Variants in MCUB observed in about 807,000 individuals in gnomAD.
The protein encoded by MCUB is calcium uniporter regulatory subunit MCUb, mitochondrial.
Under a neutral mutation model 41.4 loss-of-function variants are expected in MCUB, and 46 were observed. That is an observed-to-expected ratio of 1.11 (90% CI 0.88 to 1.42). MCUB has a LOEUF of 1.42. MCUB is among the 40% of genes most tolerant of loss of function. The pLI, the probability that MCUB is intolerant of heterozygous loss-of-function variation, is 0.00. For missense variants in MCUB, 403 were observed against 404.9 expected, an observed-to-expected ratio of 1.00 and a Z score of 0.04; for synonymous variants, 148 against 148.2, an observed-to-expected ratio of 1.00 and a Z score of 0.01.
intron 1 of MCUB, among the ~76,000 whole-genome samples, chr4:109,603,554 C>T (rs570454824): frequency 1.2e-4 from 19 of 152,264 alleles, no homozygotes; most frequent in African/African-American, 4.6e-4. Context: ...TGCCTGGCTG[C>T]CCATCGTCTG....
chr4:109,570,716 T>A (rs1726894036), intron 1 of MCUB, among the ~76,000 whole-genome samples: 1 of 152,232 alleles, frequency 6.6e-6, no homozygotes, highest in Non-Finnish European at 1.5e-5. Flanking sequence ...AGAGGACTAA[T>A]TTAGATGTAG....
At chr4:109,595,328 C>G (rs1284650685) in intron 1 of MCUB, among the ~76,000 whole-genome samples, 1 of 152,042 alleles carries the variant, frequency 6.6e-6, no homozygotes, top group Non-Finnish European at 1.5e-5. Context: ...GGAATCTGCA[C>G]TAGGTAAAGA....
intron 1 of MCUB, among the ~76,000 whole-genome samples, chr4:109,635,172 T>C (rs113923401): frequency 0.027 from 4,055 of 152,292 alleles, 196 homozygotes; most frequent in African/African-American, 0.093. Flanking sequence ...ATGGTATATA[T>C]GAGTCACATT....
intron 1 of MCUB, chr4:109,560,868 T>A (rs1282052528): frequency 1.3e-5 from 2 of 156,082 alleles, no homozygotes; most frequent in Non-Finnish European, 2.8e-5. Flanking sequence ...CCGGAAACGA[T>A]GAACGGGGCA....
chr4:109,570,089 C>G (rs957739101), intron 1 of MCUB, among the ~76,000 whole-genome samples: 1 of 152,178 alleles, frequency 6.6e-6, no homozygotes, highest in Non-Finnish European at 1.5e-5. Flanking sequence ...ATCACTACTT[C>G]CATAAATAGA....
At position 109,597,248 on chromosome 4, in the gene MCUB, C is replaced by T. The variant is rs1453528867; in HGVS notation, c.99+36812C>T. 4.9e-4 allele frequency among the ~76,000 whole-genome samples: 75 copies of T among 151,768 alleles called. No homozygotes were observed. The East Asian group carries it at 0.014, about 28-fold the overall frequency. Reference sequence around the variant, plus strand: ...GGCCCGTTCTCAATGAGCTGTTGGGCACACCTCCCAGACAGGGTGGTGGCC... The same window carrying T: ...GGCCCGTTCTCAATGAGCTGTTGGGTACACCTCCCAGACAGGGTGGTGGCC... On this transcript the variant is annotated intron_variant, in intron 1 of 7. Transcript: ENST00000394650.
chr4:109,568,038 T>C (rs182984755), intron 1 of MCUB, among the ~76,000 whole-genome samples: 2 of 152,230 alleles, frequency 1.3e-5, no homozygotes, highest in South Asian at 2.1e-4. Context: ...AATAACTTCT[T>C]TCTAGAGACT....
At chr4:109,612,568 C>T (rs769037168) in intron 1 of MCUB, among the ~76,000 whole-genome samples, 1 of 152,034 alleles carries the variant, frequency 6.6e-6, no homozygotes, top group Non-Finnish European at 1.5e-5. Flanking sequence ...ACCCAGCCTC[C>T]TCCTCTTAAG....
chr4:109,564,036 C>T (rs927027506), intron 1 of MCUB, among the ~76,000 whole-genome samples: 1 of 152,182 alleles, frequency 6.6e-6, no homozygotes, highest in Non-Finnish European at 1.5e-5. Context: ...TAAAGTTTAC[C>T]ACAGCAAAGC....
At chr4:109,577,048 C>T (rs1448010055) in intron 1 of MCUB, among the ~76,000 whole-genome samples, 6 of 152,258 alleles carry the variant, frequency 3.9e-5, no homozygotes, top group East Asian at 3.9e-4. Flanking sequence ...GCCAGGGTTT[C>T]GCCATGTGGG....
rs1159923322 is a variant in MCUB at position 109,659,097 on chromosome 4, T to A, written c.175+11T>A. On this transcript the variant is annotated intron_variant, in intron 2 of 7. Coordinates refer to ENST00000394650, the MANE Select transcript of MCUB (RefSeq NM_017918.5). The stretch of plus-strand genomic sequence containing the variant: ...TGGTGCCACCTGATGGTAAGCTTTC[T>A]TACCATTTATTTGATTCATATGTTA... 9 of 1,351,680 alleles carry A rather than the reference T, an allele frequency of 6.7e-6. No individual in the cohort carries two copies. The highest frequency in any genetic ancestry group is 9.3e-6 in the Non-Finnish European group (9 of 964,966). The allele number at this position is 1,351,680 out of a possible 1,614,324, so 83.7% of individuals were successfully genotyped here. A position where few individuals can be genotyped will look rare whatever the true frequency, so the allele number is the denominator to read the frequency against.
intron 3 of MCUB, among the ~76,000 whole-genome samples, chr4:109,662,925 G>T (rs1038962755): frequency 2.0e-5 from 3 of 152,110 alleles, no homozygotes; most frequent in Non-Finnish European, 4.4e-5. Context: ...CATTGTGTGG[G>T]TTGAATTATT....
chr4:109,660,260 C>G lies in MCUB; in HGVS notation c.241C>G (p.Arg81Gly), dbSNP rs760280798. The G allele has an allele frequency of 1.3e-6, 2 of 1,599,942 alleles. No individual in the cohort carries two copies. The highest frequency in any genetic ancestry group is 2.2e-5 in the South Asian group (2 of 90,700). ...ACTTACCTTGCCATCTAGAAAAGAACGTTGTCAATTCGTAGTCAAACCAAT... is the reference window on the plus strand; with the variant it reads ...ACTTACCTTGCCATCTAGAAAAGAAGGTTGTCAATTCGTAGTCAAACCAAT... ...VTLTLPSRKE[R>G]CQFVVKPMLS... Residue 81 changes from arginine (R) to glycine (G), a missense_variant, in exon 3 of 8, where the codon CGT becomes GGT. Coordinates refer to ENST00000394650, the MANE Select transcript of MCUB (RefSeq NM_017918.5).
intron 1 of MCUB, among the ~76,000 whole-genome samples, chr4:109,578,618 G>T (rs935682839): frequency 2.0e-5 from 3 of 151,964 alleles, no homozygotes; most frequent in African/African-American, 7.3e-5. Context: ...TTCTGCCTCA[G>T]TCTCCCAGAT....
intron 1 of MCUB, among the ~76,000 whole-genome samples, chr4:109,646,967 G>C (rs868379328): frequency 1.3e-5 from 2 of 152,156 alleles, no homozygotes; most frequent in Non-Finnish European, 2.9e-5. Context: ...TAGAACAAGA[G>C]CTGGCAAATA....
At chr4:109,597,311 G>T (rs1429958022) in intron 1 of MCUB, among the ~76,000 whole-genome samples, 2 of 150,440 alleles carry the variant, frequency 1.3e-5, no homozygotes, top group Admixed American at 6.6e-5. Context: ...AGGGGCGGCC[G>T]GGCAGAGGTG....
At chr4:109,608,988 G>A (rs1727941954) in intron 1 of MCUB, among the ~76,000 whole-genome samples, 1 of 152,114 alleles carries the variant, frequency 6.6e-6, no homozygotes, top group African/African-American at 2.4e-5. Flanking sequence ...TGCTGGTGTT[G>A]GATAAACTCC....
intron 1 of MCUB, among the ~76,000 whole-genome samples, chr4:109,590,485 A>T (rs1293851046): frequency 5.9e-5 from 9 of 152,170 alleles, no homozygotes; most frequent in Admixed American, 5.9e-4. Flanking sequence ...AAAAGGAGTT[A>T]AAAAAATTGA....
intron 1 of MCUB, among the ~76,000 whole-genome samples, chr4:109,625,394 T>C (rs1256432376): frequency 4.6e-5 from 7 of 152,154 alleles, no homozygotes; most frequent in Non-Finnish European, 1.0e-4. Flanking sequence ...TAATTGTGAG[T>C]ATCCATGCAG....
Sources: allele counts gnomAD v4.1 joint callset (sites outside exome capture counted in the v4.1 genomes callset), GRCh38; gene constraint gnomAD v4.1.1; transcripts MANE v1.5; gene names NCBI Gene and HGNC (gene_info 2026-07-23, HGNC 2026-07-21).